TAOK1: variants seen among roughly 807,000 people sequenced by gnomAD.
The protein encoded by TAOK1 is serine/threonine-protein kinase TAO1.
Under a neutral mutation model 138.3 loss-of-function variants are expected in TAOK1, and 21 were observed. That is an observed-to-expected ratio of 0.15 (90% CI 0.11 to 0.22). TAOK1 has a LOEUF of 0.22. Ranked by LOEUF, TAOK1 falls within the 10% of genes least tolerant of loss-of-function variation. The pLI, the probability that TAOK1 is intolerant of heterozygous loss-of-function variation, is 1.00. For missense variants in TAOK1, 651 were observed against 1,227.7 expected (o/e 0.53, Z 7.02); for synonymous variants, 361 against 398.4 (o/e 0.91, Z 1.12).
chr17:29,520,152 G>T (rs2031888805), intron 16 of TAOK1, among the ~76,000 whole-genome samples: 1 of 149,008 alleles, frequency 6.7e-6, no homozygotes, highest in Non-Finnish European at 1.5e-5. Context: ...CCGCACTCCA[G>T]CCTGGGCGAC....
chr17:29,523,025 A>G (rs1272072724), intron 17 of TAOK1, among the ~76,000 whole-genome samples: 2 of 151,582 alleles, frequency 1.3e-5, no homozygotes, highest in Non-Finnish European at 2.9e-5. Flanking sequence ...CAGTGAGTCA[A>G]GAACACACCA....
Position 29,543,134 on chromosome 17 carries a change from C to A in TAOK1, c.*112C>A. ...GGTACTACAGTGTGGAAGCTGAGTG[C>A]ATATGGTATATTTTATTCATTTTTG... On this transcript the variant is annotated 3_prime_UTR_variant, in exon 20 of 20. Transcript: ENST00000261716. 1 of 850,180 alleles carries A rather than the reference C, an allele frequency of 1.2e-6. No homozygotes were observed. Among genetic ancestry groups the A allele is most frequent in the Non-Finnish European group, 1.8e-6 (1 of 568,980 alleles). 52.7% of individuals were successfully genotyped at this position (850,180 alleles called of 1,614,324 possible). A position where few individuals can be genotyped will look rare whatever the true frequency, so the allele number is the denominator to read the frequency against.
At chr17:29,467,359 C>A (rs530767438) in intron 3 of TAOK1, 143 bp downstream of exon 3, 2 of 349,620 alleles carry the variant, frequency 5.7e-6, no homozygotes, top group Non-Finnish European at 9.9e-6. Flanking sequence ...CTGCAAGCTC[C>A]GCCTCCCAAG....
intron 1 of TAOK1, among the ~76,000 whole-genome samples, chr17:29,400,906 T>C (rs927850100): frequency 2.3e-3 from 69 of 29,916 alleles, no homozygotes; most frequent in African/African-American, 8.9e-3. Flanking sequence ...GTTTGCCTCT[T>C]TTTTTTTTTT....
At chr17:29,497,491 TAAATTCTGCATATCTTAAA>T (rs1384972242) in intron 11 of TAOK1, among the ~76,000 whole-genome samples, 3 of 152,184 alleles carry the variant, frequency 2.0e-5, no homozygotes, top group African/African-American at 4.8e-5. Flanking sequence ...CTGTGTTTAT[TAAATTCTGCATATCTTAAA>T]GAATTCTGGT....
chr17:29,545,702 G>A lies in TAOK1; in HGVS notation c.*2680G>A, dbSNP rs2032391435. On this transcript the variant is annotated 3_prime_UTR_variant, in exon 20 of 20. Transcript: ENST00000261716. ...CTCATACATAGTAGGAACCATCATA[G>A]AGTAAAGCTTGTAGCAGAAAAATTG... 6.6e-6 allele frequency: 1 copy of A among 152,148 alleles called. No individual in the cohort carries two copies. The highest frequency in any genetic ancestry group is 2.1e-4 in the South Asian group (1 of 4,826). The allele number at this position is 152,148 out of a possible 1,614,324, so 9.4% of individuals were successfully genotyped here. A position where few individuals can be genotyped will look rare whatever the true frequency, so the allele number is the denominator to read the frequency against.
rs767619548 is a variant in TAOK1, at chr17:29,502,574, T to C, written c.1204-15T>C. On this transcript the variant is annotated splice_polypyrimidine_tract_variant and intron_variant, in intron 12 of 19. Transcript: ENST00000261716. ...GTTCACCTTACATAATATTGTCTTTTTTTTTTTTTCCTAGGAGGAAGAAAA... is the reference window on the plus strand; with the variant it reads ...GTTCACCTTACATAATATTGTCTTTCTTTTTTTTTCCTAGGAGGAAGAAAA... The C allele has an allele frequency of 6.3e-7, 1 of 1,588,950 alleles. No homozygotes were observed. Among genetic ancestry groups the C allele is most frequent in the South Asian group, 1.2e-5 (1 of 86,710 alleles).
chr17:29,465,883 A>G (rs519738), intron 2 of TAOK1, among the ~76,000 whole-genome samples: 3 of 114,102 alleles, frequency 2.6e-5, no homozygotes, highest in African/African-American at 7.5e-5. Context: ...CCACAACAGT[A>G]TTAAATAATC....
At chr17:29,523,710 C>T (rs1356669467) in intron 17 of TAOK1, among the ~76,000 whole-genome samples, 2 of 152,080 alleles carry the variant, frequency 1.3e-5, no homozygotes, top group African/African-American at 2.4e-5. Flanking sequence ...TATACAAAAC[C>T]ACCCACTATC....
chr17:29,450,247 C>T (rs1253371884), intron 1 of TAOK1, among the ~76,000 whole-genome samples: 1 of 152,046 alleles, frequency 6.6e-6, no homozygotes, highest in Non-Finnish European at 1.5e-5. Context: ...CCACACCACC[C>T]AGCTAATTTT....
chr17:29,394,150 G>GTTTTTTTTTTTTTTTTTTTTTTTTTTTT (rs58117433), intron 1 of TAOK1, among the ~76,000 whole-genome samples: 1 of 48,246 alleles, frequency 2.1e-5, no homozygotes, highest in Non-Finnish European at 3.6e-5. Flanking sequence ...TAATTTGCCA[G>GTTTTTTTTTTTTTTTTTTTTTTTTTTTT]TTTTTTTTTT....
chr17:29,444,504 G>A (rs184897576), intron 1 of TAOK1, among the ~76,000 whole-genome samples: 323 of 152,234 alleles, frequency 2.1e-3, no homozygotes, highest in African/African-American at 7.5e-3. Flanking sequence ...GGGAGTTCTC[G>A]TGTATTTATA....
intron 15 of TAOK1, chr17:29,513,062 C>G (rs1163705902): frequency 1.6e-5 from 2 of 122,810 alleles, no homozygotes; most frequent in Non-Finnish European, 3.3e-5. Context: ...TACCCACCCC[C>G]CCCCCCGTCT....
chr17:29,399,095 A>C (rs2153019932), intron 1 of TAOK1, among the ~76,000 whole-genome samples: 1 of 146,536 alleles, frequency 6.8e-6, no homozygotes, highest in South Asian at 2.1e-4. Flanking sequence ...CAAGTGATCC[A>C]CCCACCTTTG....
chr17:29,540,775 G>T (rs1598531876), intron 19 of TAOK1, among the ~76,000 whole-genome samples: 1 of 149,732 alleles, frequency 6.7e-6, no homozygotes, highest in Non-Finnish European at 1.5e-5. Flanking sequence ...TCTCCATGTT[G>T]GTCAGGCTGG....
intron 1 of TAOK1, among the ~76,000 whole-genome samples, chr17:29,401,254 CTG>C (rs1904831737): frequency 6.6e-6 from 1 of 152,066 alleles, no homozygotes; most frequent in South Asian, 2.1e-4. Context: ...CCCAGTTACA[CTG>C]TTATAAAGAC....
At position 29,532,942 on chromosome 17, in the gene TAOK1, C is replaced by A. The variant is rs371608846; in HGVS notation, c.2362-1176C>A. On this transcript the variant is annotated intron_variant, in intron 18 of 19. Transcript: ENST00000261716. ...GGCGGCTGGCCGGGTGGGGGGCTGA[C>A]CCCCCCACCTCCCTCCCGGACGGGG... is the stretch of plus-strand genomic sequence containing the variant. 1.6e-4 allele frequency among the ~76,000 whole-genome samples: 21 copies of A among 135,406 alleles called. 1 individual carries two copies. The South Asian group carries it at 4.0e-3, about 26-fold the overall frequency. The allele number at this position is 135,406 out of a possible 152,430, so 88.8% of individuals were successfully genotyped here.
chr17:29,437,076 G>C (rs972474205), intron 1 of TAOK1, among the ~76,000 whole-genome samples: 1 of 151,968 alleles, frequency 6.6e-6, no homozygotes, highest in African/African-American at 2.4e-5. Flanking sequence ...TTGTTTGTTT[G>C]TTTTTGATAT....
At chr17:29,471,891 T>C (rs1213281343) in intron 3 of TAOK1, among the ~76,000 whole-genome samples, 1 of 152,262 alleles carries the variant, frequency 6.6e-6, no homozygotes, top group Non-Finnish European at 1.5e-5. Flanking sequence ...ACTAAGTTTA[T>C]GTAATATTCA....
Sources: gnomAD v4.1 joint callset for allele counts (sites outside exome capture counted in the v4.1 genomes callset) on GRCh38, gnomAD v4.1.1 for gene constraint, MANE v1.5 for transcripts, NCBI Gene and HGNC (gene_info 2026-07-23, HGNC 2026-07-21) for gene names.